The following ZNF17 variants were observed in gnomAD, a reference collection of about 807,000 sequenced individuals.
ZNF17 encodes the protein zinc finger protein 17.
In ZNF17, 4 loss-of-function variants were observed where a neutral mutation model predicts 7.7. The observed-to-expected ratio is 0.52, with a 90% confidence interval of 0.26 to 1.20. The LOEUF is 1.20. Ranked by LOEUF, ZNF17 falls within the 50% of genes most tolerant of loss-of-function variation. The pLI, the probability that ZNF17 is intolerant of heterozygous loss-of-function variation, is 0.14. For synonymous variants in ZNF17, 249 were observed against 258.8 expected (o/e 0.96, Z 0.36); for missense variants, 738 against 799.5 (o/e 0.92, Z 0.93).
chr19:57,416,688 T>C lies in ZNF17; in HGVS notation c.22-1224T>C, dbSNP rs959938090. On this transcript the variant is annotated intron_variant, in intron 2 of 3. Transcript: ENST00000307658. ...CCATGCCCGGCTAATTTTTGTATTTTTAGTAGAGATGGGGTTTTACTATCT... is the reference window on the plus strand; with the variant it reads ...CCATGCCCGGCTAATTTTTGTATTTCTAGTAGAGATGGGGTTTTACTATCT... Among the ~76,000 whole-genome samples the C allele has an allele frequency of 2.6e-5, 4 of 152,030 alleles. No homozygotes were observed. The East Asian group carries it at 7.7e-4, about 29-fold the overall frequency.
At chr19:57,418,478 C>CT (rs551616660) in intron 3 of ZNF17, among the ~76,000 whole-genome samples, 50 of 152,210 alleles carry the variant, frequency 3.3e-4, no homozygotes, top group African/African-American at 1.1e-3. Context: ...GTTCTGGTAA[C>CT]TTTAGAATAC....
chr19:57,421,309 G>A lies in ZNF17; in HGVS notation c.1823G>A (p.Gly608Glu), dbSNP rs759569448. 5 of 1,614,130 alleles carry A rather than the reference G, an allele frequency of 3.1e-6. No individual in the cohort carries two copies. In the East Asian group the frequency reaches 6.7e-5, roughly 22 times the overall value. Residue 608 changes from glycine to glutamate, a missense_variant, in exon 4 of 4, where the codon GGA becomes GAA. Transcript: ENST00000307658. ...TLISHERVHT[G>E]EKPYECSECG... The stretch of plus-strand genomic sequence containing the variant: ...ATTAGTCATGAGAGAGTTCATACTG[G>A]AGAAAAGCCTTATGAGTGCAGTGAA...
chr19:57,416,488 C>T (rs546113847), intron 2 of ZNF17, among the ~76,000 whole-genome samples: 46 of 151,092 alleles, frequency 3.0e-4, no homozygotes, highest in African/African-American at 1.1e-3. Flanking sequence ...AAAGGTAGGC[C>T]CCCATGTGCC....
At position 57,420,569 on chromosome 19, in the gene ZNF17, T is replaced by C; in HGVS notation, c.1083T>C (p.Tyr361=). 6.2e-7 allele frequency: 1 copy of C among 1,613,828 alleles called. No individual in the cohort carries two copies. Among genetic ancestry groups the C allele is most frequent in the South Asian group, 1.1e-5 (1 of 91,064 alleles). Residue 361 remains tyrosine, a synonymous_variant, in exon 4 of 4, where the codon TAT becomes TAC. Coordinates refer to ENST00000307658, the MANE Select transcript of ZNF17 (RefSeq NM_001330617.2). ...TTCACACTGGAGAAAGGCCTTTTTA[T>C]TGCTGTGAATGTGGGAAATTCTTTA... ...QKVHTGERPF[Y]CCECGKFFMD... is the part of the protein sequence containing the mutation.
Position 57,411,345 on chromosome 19 carries a change from C to G in ZNF17, c.-82C>G, listed in dbSNP as rs12974211. On this transcript the variant is annotated 5_prime_UTR_variant, in exon 1 of 4. Coordinates refer to ENST00000307658, the MANE Select transcript of ZNF17 (RefSeq NM_001330617.2). ...CCTCTGTCAGCGTCCAGGTCACTGC[C>G]GCTCCCGCCCCGCTCTTCCCTGGCT... 0.13 allele frequency: 207,788 copies of G among 1,604,860 alleles called. 14,064 individuals carry two copies. Among genetic ancestry groups the G allele is most frequent in the South Asian group, 0.17 (14,901 of 89,600 alleles).
rs2088847727 is a variant in ZNF17, at chr19:57,421,034, T to C, written c.1548T>C (p.Asp516=). 2 of 1,614,064 alleles carry C rather than the reference T, an allele frequency of 1.2e-6. No individual in the cohort carries two copies. Among genetic ancestry groups the C allele is most frequent in the Non-Finnish European group, 1.7e-6 (2 of 1,180,046 alleles). Residue 516 remains aspartate (D), a synonymous_variant, in exon 4 of 4, where the codon GAT becomes GAC. Coordinates refer to ENST00000307658, the MANE Select transcript of ZNF17 (RefSeq NM_001330617.2). ...CCTTTAGATGTCGCTCCACACTTGA[T>C]ACACATCAGAGAATTCACACTGGTG... ...GKSFRCRSTL[D]THQRIHTGER...
intron 2 of ZNF17, among the ~76,000 whole-genome samples, chr19:57,417,667 T>C (rs2088819550): frequency 6.6e-6 from 1 of 151,766 alleles, no homozygotes; most frequent in Admixed American, 6.6e-5. Flanking sequence ...AACAACATGG[T>C]GAAACCCCAT....
Position 57,417,960 on chromosome 19 carries a change from T to A in ZNF17, c.70T>A (p.Trp24Arg), listed in dbSNP as rs1436287998. Residue 24 changes from tryptophan to arginine, a missense_variant, in exon 3 of 4, where the codon TGG becomes AGG. By Grantham distance (101) the Trp-to-Arg change is moderately radical. Coordinates refer to ENST00000307658, the MANE Select transcript of ZNF17 (RefSeq NM_001330617.2). Reference sequence around the variant, plus strand: ...GGCCATACATTTCTCCCAGGAGGAGTGGGGAATTCTTAATGACGTTCAGAG... The same window carrying A: ...GGCCATACATTTCTCCCAGGAGGAGAGGGGAATTCTTAATGACGTTCAGAG... ...DVAIHFSQEE[W>R]GILNDVQRHL... 1.9e-6 allele frequency: 3 copies of A among 1,611,996 alleles called. No individual in the cohort carries two copies. Among genetic ancestry groups the A allele is most frequent in the Non-Finnish European group, 2.5e-6 (3 of 1,179,578 alleles).
intron 2 of ZNF17, 79 bp downstream of exon 2, chr19:57,413,715 G>T: frequency 6.7e-7 from 1 of 1,497,690 alleles, no homozygotes; most frequent in Non-Finnish European, 9.0e-7. Flanking sequence ...GTTATCCTGA[G>T]ACTGTTCACC....
Position 57,421,069 on chromosome 19 carries a change from A to G in ZNF17, c.1583A>G (p.Tyr528Cys). The change falls in exon 4 of 4, where the codon TAT (tyrosine) becomes TGT (cysteine). Residue 528 changes from tyrosine (Y) to cysteine (C), a missense_variant. Tyr to Cys is a radical substitution (Grantham distance 194). Coordinates refer to ENST00000307658, the MANE Select transcript of ZNF17 (RefSeq NM_001330617.2). Reference sequence around the variant, plus strand: ...AGAATTCACACTGGTGAAAGGCCTTATGAGTGTAGTGAATGTGGGAAATTC... The same window carrying G: ...AGAATTCACACTGGTGAAAGGCCTTGTGAGTGTAGTGAATGTGGGAAATTC... ...HQRIHTGERP[Y>C]ECSECGKFFR... is the part of the protein sequence containing the mutation. 1 of 1,614,202 alleles carries G rather than the reference A, an allele frequency of 6.2e-7. No individual in the cohort carries two copies. The highest frequency in any genetic ancestry group is 1.6e-4 in the Middle Eastern group (1 of 6,062).
At chr19:57,416,671 G>A (rs980042129) in intron 2 of ZNF17, among the ~76,000 whole-genome samples, 3 of 151,990 alleles carry the variant, frequency 2.0e-5, no homozygotes, top group Admixed American at 6.6e-5. Flanking sequence ...CACCATGCCC[G>A]GCTAATTTTT....
Position 57,420,500 on chromosome 19 carries a change from G to A in ZNF17, c.1014G>A (p.Gly338=), listed in dbSNP as rs1335067396. 1 of 1,613,558 alleles carries A rather than the reference G, an allele frequency of 6.2e-7. No individual in the cohort carries two copies. Among genetic ancestry groups the A allele is most frequent in the African/African-American group, 1.3e-5 (1 of 74,808 alleles). Reference sequence around the variant, plus strand: ...GGCCTTATGGATGCAATGAATGTGGGAAATACTTTATGTACAGTTCAGCAC... The same window carrying A: ...GGCCTTATGGATGCAATGAATGTGGAAAATACTTTATGTACAGTTCAGCAC... ...GERPYGCNEC[G]KYFMYSSALI... is the part of the protein sequence containing the mutation. The change falls in exon 4 of 4, where the codon GGG becomes GGA. Residue 338 remains glycine (G), a synonymous_variant. Coordinates refer to ENST00000307658, the MANE Select transcript of ZNF17 (RefSeq NM_001330617.2).
chr19:57,412,476 G>C (rs1346537762), intron 1 of ZNF17, among the ~76,000 whole-genome samples: 1 of 146,770 alleles, frequency 6.8e-6, no homozygotes, highest in Non-Finnish European at 1.5e-5. Flanking sequence ...ACAGAGTCTC[G>C]CTCCATCGCC....
At chr19:57,413,722 C>A (rs2088793413) in intron 2 of ZNF17, 86 bp downstream of exon 2, 4 of 1,481,236 alleles carry the variant, frequency 2.7e-6, no homozygotes, top group Non-Finnish European at 9.1e-7. Context: ...TGAGACTGTT[C>A]ACCTTTTCTT....
intron 3 of ZNF17, 130 bp from the exon 4 acceptor site, chr19:57,419,505 C>A: frequency 9.9e-7 from 1 of 1,009,754 alleles, no homozygotes; most frequent in Non-Finnish European, 1.4e-6. Context: ...TTTCCTCTCA[C>A]TGGCTTTAAT....
At position 57,421,378 on chromosome 19, in the gene ZNF17, G is replaced by A. The variant is rs370145739; in HGVS notation, c.1892G>A (p.Arg631Gln). The change falls in exon 4 of 4, where the codon CGG becomes CAG. Residue 631 changes from arginine (R) to glutamine (Q), a missense_variant. Physicochemically the swap from Arg to Gln is conservative, Grantham distance 43 (BLOSUM62 1). This residue lies in a region of ZNF17 where 116 missense variants were observed against 114.0 expected (regional missense o/e 1.02). Coordinates refer to ENST00000307658, the MANE Select transcript of ZNF17 (RefSeq NM_001330617.2). ...FRYNSSLIKH[R>Q]RIHTGERPYQ... ...TACAACTCCAGCCTCATTAAACATC[G>A]GAGAATTCACACTGGAGAGAGACCT... The A allele has an allele frequency of 5.5e-5, 88 of 1,612,744 alleles. No individual in the cohort carries two copies. The highest frequency in any genetic ancestry group is 4.3e-5 in the Non-Finnish European group (51 of 1,179,604).
rs181262936 is a variant in ZNF17 at position 57,421,223 on chromosome 19, T to C, written c.1737T>C (p.Thr579=). 7.4e-6 allele frequency: 12 copies of C among 1,614,092 alleles called. No homozygotes were observed. The Admixed American group carries it at 8.3e-5, about 11-fold the overall frequency. Residue 579 remains threonine (T), a synonymous_variant, in exon 4 of 4, where the codon ACT becomes ACC. Transcript: ENST00000307658. Reference sequence around the variant, plus strand: ...TCATTCGGCACCAAAAAGTTCACACTAGGGAAAGAACTTACAAATGCAGCA... The same window carrying C: ...TCATTCGGCACCAAAAAGTTCACACCAGGGAAAGAACTTACAAATGCAGCA... The part of the protein sequence containing the change: ...SHLIRHQKVH[T]RERTYKCSKC...
chr19:57,418,279 G>A (rs551661735), intron 3 of ZNF17, among the ~76,000 whole-genome samples: 18 of 152,220 alleles, frequency 1.2e-4, no homozygotes, highest in African/African-American at 4.3e-4. Flanking sequence ...GGTTTCTCAA[G>A]AATATCCTAA....
intron 2 of ZNF17, among the ~76,000 whole-genome samples, chr19:57,416,135 G>A (rs750455711): frequency 2.0e-5 from 3 of 152,138 alleles, no homozygotes; most frequent in Non-Finnish European, 4.4e-5. Context: ...ACAGGATTGG[G>A]TTGGGAGACG....
Sources: gnomAD v4.1 joint callset for allele counts (sites outside exome capture counted in the v4.1 genomes callset) on GRCh38, gnomAD v4.1.1 for gene constraint, gnomAD v4.1.1 regional missense constraint, MANE v1.5 for transcripts, NCBI Gene and HGNC (gene_info 2026-07-23, HGNC 2026-07-21) for gene names.